The following ITSN1 variants were observed in gnomAD, a reference collection of about 807,000 sequenced individuals.
ITSN1 encodes intersectin-1.
ITSN1 carries 58 observed loss-of-function variants against 239.8 expected under a neutral mutation model. The ratio of observed to expected loss-of-function variants is 0.24; its 90% CI spans 0.20 to 0.30. The LOEUF is 0.30. Among genes scored for constraint, ITSN1 ranks in the 10% least tolerant of loss-of-function variants. ITSN1 has a pLI of 1.00. For synonymous variants in ITSN1, 780 were observed against 770.8 expected (o/e 1.01, Z -0.20); for missense variants, 1,558 against 2,103.3 (o/e 0.74, Z 5.07).
Position 33,891,235 on chromosome 21 carries a change from T to A in ITSN1, c.*2935T>A, listed in dbSNP as rs1986343997. On this transcript the variant is annotated 3_prime_UTR_variant, in exon 40 of 40. Transcript: ENST00000381318. ...GAAAGAGGGACTTTCTAGGTGCAGG[T>A]CACCAGGGATGCTTGAGAAACTAGA... The A allele has an allele frequency of 6.6e-6, 1 of 152,180 alleles. No individual in the cohort carries two copies. Among genetic ancestry groups the A allele is most frequent in the East Asian group, 1.9e-4 (1 of 5,194 alleles). The allele number at this position is 152,180 out of a possible 1,614,324, so 9.4% of individuals were successfully genotyped here.
chr21:33,835,228 C>A (rs1286782639), intron 28 of ITSN1, among the ~76,000 whole-genome samples: 7 of 152,146 alleles, frequency 4.6e-5, no homozygotes, highest in Non-Finnish European at 8.8e-5. Flanking sequence ...TTGTGATGAG[C>A]CGCAGTCCCC....
chr21:33,661,864 C>G (rs1029659640), intron 1 of ITSN1, among the ~76,000 whole-genome samples: 1 of 151,980 alleles, frequency 6.6e-6, no homozygotes, highest in East Asian at 1.9e-4. Flanking sequence ...TGAGGCCTCC[C>G]CAGCCACCTG....
rs1239613372 is a variant in ITSN1 at position 33,882,635 on chromosome 21, C to CA, written c.4554+181dup. On this transcript the variant is annotated intron_variant, in intron 35 of 39. Transcript: ENST00000381318. The surrounding 1 kb of genome is among the most constrained non-coding windows in gnomAD (Gnocchi z 4.5). ...GACGATCCATATCCCGCCGCAGTGTCAGTGACACTCAGTGCTATCGGTGGA... is the reference window on the plus strand; with the variant it reads ...GACGATCCATATCCCGCCGCAGTGTCAAGTGACACTCAGTGCTATCGGTGGA... Among the ~76,000 whole-genome samples the CA allele has an allele frequency of 1.3e-5, 2 of 152,082 alleles. No individual in the cohort carries two copies. Among genetic ancestry groups the CA allele is most frequent in the East Asian group, 3.9e-4 (2 of 5,184 alleles).
chr21:33,666,681 T>C (rs1445768867), intron 1 of ITSN1, among the ~76,000 whole-genome samples: 4 of 152,262 alleles, frequency 2.6e-5, no homozygotes, highest in Non-Finnish European at 5.9e-5. Context: ...GTCTTTGCCT[T>C]GTGCAGATAT....
At chr21:33,810,287 A>T (rs994873687) in intron 20 of ITSN1, among the ~76,000 whole-genome samples, 1 of 152,250 alleles carries the variant, frequency 6.6e-6, no homozygotes. Context: ...ATTTTTAAAC[A>T]GTATAATCCT....
chr21:33,643,873 A>G (rs1023568843), intron 1 of ITSN1: 1 of 152,306 alleles, frequency 6.6e-6, no homozygotes, highest in Non-Finnish European at 1.5e-5. Flanking sequence ...AAATGCCTCT[A>G]GAAATTCTCA....
intron 29 of ITSN1, among the ~76,000 whole-genome samples, chr21:33,843,250 C>T (rs1204397350): frequency 6.6e-6 from 1 of 152,200 alleles, no homozygotes; most frequent in Non-Finnish European, 1.5e-5. Flanking sequence ...AGCCCCAGAG[C>T]TCCTGCCTCC....
intron 2 of ITSN1, among the ~76,000 whole-genome samples, chr21:33,719,584 C>T (rs904251326): frequency 3.3e-5 from 5 of 152,110 alleles, no homozygotes; most frequent in Admixed American, 6.5e-5. Flanking sequence ...AAATTGGGAT[C>T]CAAATAAGAT....
At chr21:33,861,256 T>G (rs1042756101) in intron 31 of ITSN1, among the ~76,000 whole-genome samples, 13 of 152,006 alleles carry the variant, frequency 8.6e-5, no homozygotes, top group African/African-American at 2.9e-4. Flanking sequence ...GGAATAACTG[T>G]GATGAGGGGA....
At chr21:33,683,580 T>C (rs1200869824) in intron 1 of ITSN1, among the ~76,000 whole-genome samples, 19 of 152,174 alleles carry the variant, frequency 1.2e-4, no homozygotes, top group Admixed American at 1.2e-3. Flanking sequence ...CTGAGGTGAA[T>C]GTGTGAAATA....
intron 33 of ITSN1, among the ~76,000 whole-genome samples, chr21:33,869,067 T>C (rs1982258000): frequency 6.6e-6 from 1 of 152,136 alleles, no homozygotes; most frequent in Non-Finnish European, 1.5e-5. Context: ...GCCCAGTGCC[T>C]CTAGGCCTTG....
chr21:33,800,071 C>T (rs1461146340), intron 19 of ITSN1, 142 bp downstream of exon 19: 3 of 739,344 alleles, frequency 4.1e-6, no homozygotes, highest in Non-Finnish European at 5.9e-6. Flanking sequence ...AGTATAAGCT[C>T]AATCTTCTTT....
chr21:33,849,727 G>C (rs983536422), intron 29 of ITSN1, among the ~76,000 whole-genome samples: 4 of 152,150 alleles, frequency 2.6e-5, no homozygotes, highest in African/African-American at 9.7e-5. Context: ...CTTATGATGT[G>C]ATTATTACAC....
chr21:33,834,402 T>A lies in ITSN1; in HGVS notation c.3447T>A (p.Pro1149=), dbSNP rs2074480008. The A allele has an allele frequency of 3.7e-6, 6 of 1,612,124 alleles. No individual in the cohort carries two copies. Among genetic ancestry groups the A allele is most frequent in the Non-Finnish European group, 5.1e-6 (6 of 1,178,668 alleles). The change falls in exon 28 of 40, where the codon CCT becomes CCA. Residue 1149 remains proline (P), a synonymous_variant. Transcript: ENST00000381318. ...GTSKITPTEP[P]KSTALAAVCQ... is the part of the protein sequence containing the mutation. ...GCAAAATCACTCCAACAGAGCCACCTAAGTCAACAGCATTAGCGGCAGGTA... is the reference window on the plus strand; with the variant it reads ...GCAAAATCACTCCAACAGAGCCACCAAAGTCAACAGCATTAGCGGCAGGTA...
At position 33,813,956 on chromosome 21, in the gene ITSN1, G is replaced by C; in HGVS notation, c.2611G>C (p.Asp871His). The C allele has an allele frequency of 6.2e-7, 1 of 1,614,018 alleles. No individual in the cohort carries two copies. ...TNEKPETDNW[D>H]AWAAQPSLTV... ...TGAGAAACCAGAAACGGATAACTGGGATGCATGGGCAGCCCAGCCCTCTCT... is the reference window on the plus strand; with the variant it reads ...TGAGAAACCAGAAACGGATAACTGGCATGCATGGGCAGCCCAGCCCTCTCT... Residue 871 changes from aspartate to histidine, a missense_variant, in exon 22 of 40, where the codon GAT becomes CAT. By Grantham distance (81) the Asp-to-His change is moderately conservative. Around this residue, in one of 2 missense-constraint regions of ITSN1, gnomAD observed 982 missense variants for 1,209.9 expected, o/e 0.81. Coordinates refer to ENST00000381318, the MANE Select transcript of ITSN1 (RefSeq NM_003024.3).
At chr21:33,785,890 A>G (rs1164495727) in intron 16 of ITSN1, among the ~76,000 whole-genome samples, 1 of 152,206 alleles carries the variant, frequency 6.6e-6, no homozygotes, top group Non-Finnish European at 1.5e-5. Flanking sequence ...CTAAGATGTA[A>G]ATATCTTTCT....
intron 2 of ITSN1, among the ~76,000 whole-genome samples, chr21:33,719,396 G>A (rs1431494973): frequency 3.3e-5 from 5 of 152,144 alleles, no homozygotes; most frequent in Non-Finnish European, 7.3e-5. Flanking sequence ...AGCCGAGGTC[G>A]CACCACTGCA....
chr21:33,748,418 C>A (rs1274032744), intron 5 of ITSN1, among the ~76,000 whole-genome samples: 1 of 151,916 alleles, frequency 6.6e-6, no homozygotes, highest in Non-Finnish European at 1.5e-5. Flanking sequence ...GACTGTACTT[C>A]AGCCTGGGTG....
intron 5 of ITSN1, among the ~76,000 whole-genome samples, chr21:33,743,192 G>A (rs76522643): frequency 7.1e-4 from 108 of 152,348 alleles, no homozygotes; most frequent in African/African-American, 2.4e-3. Context: ...GAGGCTGGGC[G>A]CAGTGGCTCA....
Sources: allele counts gnomAD v4.1 joint callset (sites outside exome capture counted in the v4.1 genomes callset), GRCh38; gene constraint gnomAD v4.1.1; regional missense constraint gnomAD v4.1.1; non-coding constraint Gnocchi (gnomAD v3.1); transcripts MANE v1.5; gene names NCBI Gene and HGNC (gene_info 2026-07-23, HGNC 2026-07-21).